KRT72: variants seen among roughly 807,000 people sequenced by gnomAD.
KRT72 encodes the protein keratin, type II cytoskeletal 72.
A neutral mutation model predicts 44.7 loss-of-function variants in KRT72; 44 were observed. The ratio of observed to expected loss-of-function variants is 0.98; its 90% CI spans 0.77 to 1.27. KRT72 has a LOEUF of 1.27. KRT72 is among the 50% of genes most tolerant of loss of function. The pLI, the probability that KRT72 is intolerant of heterozygous loss-of-function variation, is 0.00. For missense variants in KRT72, 736 were observed against 667.1 expected, an observed-to-expected ratio of 1.10 and a Z score of -1.14; for synonymous variants, 302 against 280.4, an observed-to-expected ratio of 1.08 and a Z score of -0.77.
chr12:52,601,408 G>T lies in KRT72; in HGVS notation c.45C>A (p.Gly15=). Reference sequence around the variant, plus strand: ...AGAGGACCGCGGAGCAACCGCTGAAGCCCAGGCGCTCCCCGCGGGGGAAAT... The same window carrying T: ...AGAGGACCGCGGAGCAACCGCTGAATCCCAGGCGCTCCCCGCGGGGGAAAT... ...LTHFPRGERL[G]FSGCSAVLSG... Residue 15 remains glycine (G), a synonymous_variant, in exon 1 of 9, where the codon GGC becomes GGA. Transcript: ENST00000293745. 6.5e-7 allele frequency: 1 copy of T among 1,540,980 alleles called. No homozygotes were observed.
chr12:52,601,141 C>G lies in KRT72; in HGVS notation c.312G>C (p.Lys104Asn), dbSNP rs150321831. The G allele has an allele frequency of 2.1e-4, 333 of 1,613,702 alleles. No individual in the cohort carries two copies. The African/African-American group carries it at 3.8e-3, about 18-fold the overall frequency. Reference sequence around the variant, plus strand: ...CCACGTTGAGCGGGGCCAGGAGGCTCTTGTTGACGGTGACCTGAGGGATGC... The same window carrying G: ...CCACGTTGAGCGGGGCCAGGAGGCTGTTGTTGACGGTGACCTGAGGGATGC... ...PGGIPQVTVNKSLLAPLNVEM... is the reference protein window; with the variant it reads ...PGGIPQVTVNNSLLAPLNVEM... Residue 104 changes from lysine to asparagine, a missense_variant, in exon 1 of 9, where the codon AAG (lysine) becomes AAC (asparagine). Transcript: ENST00000293745.
In KRT72 at chr12:52,587,125, G is replaced by A. The variant is rs1029964593; in HGVS notation, c.1311-145C>T. 9.8e-6 allele frequency: 7 copies of A among 716,570 alleles called. No individual in the cohort carries two copies. In the African/African-American group the frequency reaches 1.1e-4, roughly 11 times the overall value. The allele number at this position is 716,570 out of a possible 1,614,324, so 44.4% of individuals were successfully genotyped here. A position where few individuals can be genotyped will look rare whatever the true frequency, so the allele number is the denominator to read the frequency against. On this transcript the variant is annotated intron_variant, in intron 7 of 8. Coordinates refer to ENST00000293745, the MANE Select transcript of KRT72 (RefSeq NM_080747.3). Reference sequence around the variant, plus strand: ...CTCCTTTCTTCCCACACATCCCAGTGCGACCCCCACCAAGAAATAGAAAAC... The same window carrying A: ...CTCCTTTCTTCCCACACATCCCAGTACGACCCCCACCAAGAAATAGAAAAC...
At chr12:52,601,529 C>T (rs1940465609), upstream of KRT72, 1 of 1,435,702 alleles carries the variant, frequency 7.0e-7, no homozygotes, top group Non-Finnish European at 9.3e-7. Flanking sequence ...GCCCAGCTCG[C>T]CCCTTAAATA....
In KRT72 at chr12:52,591,573, T is replaced by G; in HGVS notation, c.854A>C (p.Asp285Ala). Residue 285 changes from aspartate to alanine, a missense_variant, in exon 5 of 9, where the codon GAC (aspartate) becomes GCC (alanine). Asp to Ala is a moderately radical substitution (Grantham distance 126, BLOSUM62 -2). Coordinates refer to ENST00000293745, the MANE Select transcript of KRT72 (RefSeq NM_080747.3). ...GTCCAGGTCCAGATCCCGGTTGTTG[T>G]CCATTGACAGGACGATGGACGTGTC... ...ISDTSIVLSMDNNRDLDLDSI... is the reference protein window; with the variant it reads ...ISDTSIVLSMANNRDLDLDSI... 1 of 1,613,934 alleles carries G rather than the reference T, an allele frequency of 6.2e-7. No individual in the cohort carries two copies. Among genetic ancestry groups the G allele is most frequent in the Non-Finnish European group, 8.5e-7 (1 of 1,179,876 alleles).
At chr12:52,586,328 T>A (rs1228391082) in intron 8 of KRT72, among the ~76,000 whole-genome samples, 156 bp from the exon 9 acceptor site, 1 of 152,274 alleles carries the variant, frequency 6.6e-6, no homozygotes, top group East Asian at 1.9e-4. Context: ...TACTAAGAGA[T>A]TTTTATCAGC....
In KRT72 at chr12:52,599,108, C is replaced by T. The variant is rs778362231; in HGVS notation, c.431G>A (p.Arg144Gln). ...CACCTGATTCTGCTGCTCCAGGAACCGCACCTGGAACCCAAAGGCAGTCAT... is the reference window on the plus strand; with the variant it reads ...CACCTGATTCTGCTGCTCCAGGAACTGCACCTGGAACCCAAAGGCAGTCAT... ...NKFASFIDKV[R>Q]FLEQQNQVLE... Residue 144 changes from arginine (R) to glutamine (Q), a missense_variant, in exon 2 of 9, where the codon CGG becomes CAG. Arg to Gln is a conservative substitution (Grantham distance 43, BLOSUM62 1). Coordinates refer to ENST00000293745, the MANE Select transcript of KRT72 (RefSeq NM_080747.3). 22 of 1,613,782 alleles carry T rather than the reference C, an allele frequency of 1.4e-5. No individual in the cohort carries two copies. Among genetic ancestry groups the T allele is most frequent in the African/African-American group, 4.0e-5 (3 of 74,892 alleles).
intron 5 of KRT72, 121 bp downstream of exon 5, chr12:52,591,343 C>A (rs963950995): frequency 1.0e-5 from 11 of 1,090,878 alleles, no homozygotes; most frequent in Non-Finnish European, 1.4e-5. Context: ...CAAAGGAGGT[C>A]TTGACTGAGC....
At chr12:52,595,251 A>T (rs1443944618) in intron 2 of KRT72, among the ~76,000 whole-genome samples, 1 of 152,114 alleles carries the variant, frequency 6.6e-6, no homozygotes, top group Non-Finnish European at 1.5e-5. Context: ...TTAACTTAAA[A>T]ATAACTTATT....
At chr12:52,593,365 T>G (rs1392797558) in intron 2 of KRT72, among the ~76,000 whole-genome samples, 1 of 152,240 alleles carries the variant, frequency 6.6e-6, no homozygotes, top group Non-Finnish European at 1.5e-5. Context: ...ATTCTCACTT[T>G]CAAACTGTAT....
chr12:52,591,971 C>T (rs997378353), intron 4 of KRT72, among the ~76,000 whole-genome samples: 2 of 152,198 alleles, frequency 1.3e-5, no homozygotes, highest in African/African-American at 4.8e-5. Flanking sequence ...AGTCCCTTCC[C>T]CAGGCCTCTG....
chr12:52,590,011 G>A (rs1420764622), intron 6 of KRT72, among the ~76,000 whole-genome samples: 2 of 152,186 alleles, frequency 1.3e-5, no homozygotes, highest in Non-Finnish European at 2.9e-5. Context: ...CTGTGTGTGT[G>A]TGTGTACATG....
chr12:52,593,639 A>G (rs1473670331), intron 2 of KRT72, among the ~76,000 whole-genome samples: 2 of 152,248 alleles, frequency 1.3e-5, no homozygotes, highest in African/African-American at 2.4e-5. Flanking sequence ...TAAATGGATA[A>G]GCAAAATGTG....
At chr12:52,590,728 AGAG>A in intron 6 of KRT72, 105 bp downstream of exon 6, 4 of 1,055,358 alleles carry the variant, frequency 3.8e-6, no homozygotes, top group Non-Finnish European at 5.3e-6. Flanking sequence ...CTGGTAAATT[AGAG>A]GAGGCCCTAA....
chr12:52,595,979 T>G (rs1940215534), intron 2 of KRT72, among the ~76,000 whole-genome samples: 1 of 140,086 alleles, frequency 7.1e-6, no homozygotes, highest in Non-Finnish European at 1.6e-5. Flanking sequence ...TTAAACATGA[T>G]CTTTAATGGT....
At chr12:52,593,734 C>A (rs1369528943) in intron 2 of KRT72, among the ~76,000 whole-genome samples, 1 of 152,102 alleles carries the variant, frequency 6.6e-6, no homozygotes, top group Non-Finnish European at 1.5e-5. Flanking sequence ...ACCTTGAGGA[C>A]CTTTTGCTAA....
intron 5 of KRT72, among the ~76,000 whole-genome samples, chr12:52,591,248 CCATATATGTCCG>C (rs1303746272): frequency 6.6e-6 from 1 of 152,144 alleles, no homozygotes; most frequent in Non-Finnish European, 1.5e-5. Flanking sequence ...GGGCTAAGCC[CCATATATGTCCG>C]CAAAACAAGC....
rs1281245609 is a variant in KRT72 at position 52,601,027 on chromosome 12, C to T, written c.426G>A (p.Lys142=). 1.2e-6 allele frequency: 2 copies of T among 1,611,618 alleles called. No homozygotes were observed. Among genetic ancestry groups the T allele is most frequent in the Non-Finnish European group, 1.7e-6 (2 of 1,179,224 alleles). Residue 142 remains lysine, a splice_region_variant and synonymous_variant, in exon 1 of 9, where the codon AAG becomes AAA. Transcript: ENST00000293745. ...LNNKFASFID[K]VRFLEQQNQV... ...GACAGGCCAATGCCCGAGGACTCAC[C>T]TTGTCGATGAAGGAGGCGAACTTGT...
chr12:52,597,817 G>A (rs1443448691), intron 2 of KRT72, among the ~76,000 whole-genome samples: 1 of 152,174 alleles, frequency 6.6e-6, no homozygotes, highest in African/African-American at 2.4e-5. Flanking sequence ...GCAAGTATCA[G>A]TATTTAGTTT....
chr12:52,599,167 G>A (rs1592233774), intron 1 of KRT72, 55 bp from the exon 2 acceptor site: 1 of 1,567,742 alleles, frequency 6.4e-7, no homozygotes, highest in Non-Finnish European at 8.8e-7. Flanking sequence ...CCTCTCAAGA[G>A]TGGGGAAAGG....
Sources: gnomAD v4.1 joint callset for allele counts (sites outside exome capture counted in the v4.1 genomes callset) on GRCh38, gnomAD v4.1.1 for gene constraint, MANE v1.5 for transcripts, NCBI Gene and HGNC (gene_info 2026-07-23, HGNC 2026-07-21) for gene names.